The following ARV1 variants were observed in gnomAD, a reference collection of about 807,000 sequenced individuals.
The protein encoded by ARV1 is ARV1 fatty acid homeostasis modulator, also known as protein ARV1.
Under a neutral mutation model 31.1 loss-of-function variants are expected in ARV1, and 26 were observed. The observed-to-expected ratio is 0.84, with a 90% CI of 0.61 to 1.16. ARV1 has a LOEUF of 1.16. Ranked by LOEUF, ARV1 falls within the 50% of genes most tolerant of loss-of-function variation. ARV1 has a pLI of 0.00. For synonymous variants in ARV1, 117 were observed against 123.2 expected (o/e 0.95, Z 0.34); for missense variants, 281 against 324.9 (o/e 0.86, Z 1.04).
chr1:230,986,952 C>G (rs879542318), intron 1 of ARV1, among the ~76,000 whole-genome samples: 3 of 152,128 alleles, frequency 2.0e-5, no homozygotes, highest in Non-Finnish European at 4.4e-5. Flanking sequence ...GTAGAAGATT[C>G]ATTCTTACTG....
At chr1:230,996,929 T>C (rs1395436276) in intron 4 of ARV1, among the ~76,000 whole-genome samples, 192 bp from the exon 5 acceptor site, 1 of 152,192 alleles carries the variant, frequency 6.6e-6, no homozygotes, top group Non-Finnish European at 1.5e-5. Flanking sequence ...CAGTGTTTTG[T>C]TGTAAGTAGA....
In ARV1 at chr1:230,991,028, A is replaced by G. The variant is rs534487309; in HGVS notation, c.448+765A>G. ...TTAATAGGGTTTGGTATTTTTTGTTACTTGTTACTTATCTGAGTGCATGCA... is the reference window on the plus strand; with the variant it reads ...TTAATAGGGTTTGGTATTTTTTGTTGCTTGTTACTTATCTGAGTGCATGCA... On this transcript the variant is annotated intron_variant, in intron 3 of 5. Coordinates refer to ENST00000310256, the MANE Select transcript of ARV1 (RefSeq NM_022786.3). Among the ~76,000 whole-genome samples the G allele has an allele frequency of 6.6e-5, 10 of 152,196 alleles. No homozygotes were observed. In the South Asian group the frequency reaches 1.2e-3, roughly 19 times the overall value.
chr1:230,984,359 T>TGTGTGTGTGTGTGTGCGCGC (rs71179756), intron 1 of ARV1, among the ~76,000 whole-genome samples: 1 of 93,450 alleles, frequency 1.1e-5, no homozygotes, highest in South Asian at 3.4e-4. Flanking sequence ...TGTGTGTGTG[T>TGTGTGTGTGTGTGTGCGCGC]GTGCGTGTGT....
At chr1:230,984,363 CGTGTGTGTGTGTGT>C (rs34285543) in intron 1 of ARV1, among the ~76,000 whole-genome samples, 3 of 129,840 alleles carry the variant, frequency 2.3e-5, no homozygotes, top group African/African-American at 8.5e-5. Flanking sequence ...TGTGTGTGTG[CGTGTGTGTGTGTGT>C]GTGTGTGTGT....
At position 230,995,756 on chromosome 1, in the gene ARV1, T is replaced by G. The variant is rs781748100; in HGVS notation, c.449-4T>G. 6.2e-7 allele frequency: 1 copy of G among 1,607,782 alleles called. No homozygotes were observed. ...CATACTTTTATTTTCCATTTCTTCT[T>G]TAGAACAAACTGCCTATTTTATTGG... On this transcript the variant is annotated splice_polypyrimidine_tract_variant and splice_region_variant and intron_variant, in intron 3 of 5. Coordinates refer to ENST00000310256, the MANE Select transcript of ARV1 (RefSeq NM_022786.3).
At chr1:230,994,824 A>C (rs1477268813) in intron 3 of ARV1, among the ~76,000 whole-genome samples, 1 of 152,172 alleles carries the variant, frequency 6.6e-6, no homozygotes, top group Non-Finnish European at 1.5e-5. Flanking sequence ...GATTACAGGC[A>C]TGAGCCACCA....
intron 1 of ARV1, among the ~76,000 whole-genome samples, chr1:230,983,412 CAAAAAA>C (rs386369944): frequency 1.1e-4 from 12 of 106,422 alleles, no homozygotes; most frequent in Non-Finnish European, 2.2e-4. Flanking sequence ...GACTCCGTCT[CAAAAAA>C]AAAAAAAAAA....
At chr1:230,980,633 G>GA (rs1349878441) in intron 1 of ARV1, among the ~76,000 whole-genome samples, 1 of 152,002 alleles carries the variant, frequency 6.6e-6, no homozygotes, top group African/African-American at 2.4e-5. Context: ...TGCGAAAACA[G>GA]AAGAGAACTT....
At chr1:230,980,567 C>G (rs1162285626) in intron 1 of ARV1, among the ~76,000 whole-genome samples, 3 of 152,118 alleles carry the variant, frequency 2.0e-5, no homozygotes, top group Non-Finnish European at 4.4e-5. Context: ...GAACTGACCT[C>G]AAATGATCCA....
intron 1 of ARV1, 162 bp downstream of exon 1, chr1:230,979,441 C>A (rs745759731): frequency 5.0e-6 from 4 of 807,022 alleles, no homozygotes; most frequent in Non-Finnish European, 7.5e-6. Context: ...CTCAGCTACC[C>A]GACAGCGCTT....
In ARV1 at chr1:230,995,865, T is replaced by G. The variant is rs779804808; in HGVS notation, c.554T>G (p.Leu185Ter). The change falls in exon 4 of 6, where the codon TTA becomes TGA. Residue 185 changes from leucine to a stop codon, truncating the protein, a stop_gained. Coordinates refer to ENST00000310256, the MANE Select transcript of ARV1 (RefSeq NM_022786.3). LOFTEE classifies it high-confidence loss of function. ...ATTTTGCTGCTGAAAGCATTATTATTATCTAGCTACGGAAAACTCTTGCTG... is the reference window on the plus strand; with the variant it reads ...ATTTTGCTGCTGAAAGCATTATTATGATCTAGCTACGGAAAACTCTTGCTG... The part of the protein sequence containing the change: ...NFILLLKALL[L>*]SSYGKLLLIP... 1 of 1,614,160 alleles carries G rather than the reference T, an allele frequency of 6.2e-7. No individual in the cohort carries two copies. Among genetic ancestry groups the G allele is most frequent in the Non-Finnish European group, 8.5e-7 (1 of 1,180,018 alleles).
chr1:230,998,604 C>T (rs980248305), intron 5 of ARV1, among the ~76,000 whole-genome samples: 4 of 152,118 alleles, frequency 2.6e-5, no homozygotes, highest in African/African-American at 9.7e-5. Context: ...TGAACCTATG[C>T]TCCTAAAATT....
chr1:230,991,006 A>G (rs552033187), intron 3 of ARV1, among the ~76,000 whole-genome samples: 1 of 152,294 alleles, frequency 6.6e-6, no homozygotes, highest in African/African-American at 2.4e-5. Flanking sequence ...AGTGTATTTA[A>G]TAGGGTTTGG....
At chr1:230,996,820 TTTG>T (rs1385463896) in intron 4 of ARV1, among the ~76,000 whole-genome samples, 3 of 152,214 alleles carry the variant, frequency 2.0e-5, no homozygotes, top group Non-Finnish European at 2.9e-5. Flanking sequence ...AAAGTATCAT[TTTG>T]TTGTTGTTGT....
At chr1:230,979,335 G>T in intron 1 of ARV1, 56 bp downstream of exon 1, 1 of 1,591,456 alleles carries the variant, frequency 6.3e-7, no homozygotes, top group Non-Finnish European at 8.6e-7. Flanking sequence ...CGGGATTTGG[G>T]GACCGCGAGG....
rs778780392 is a variant in ARV1 at position 230,979,299 on chromosome 1, G to T, written c.174+20G>T. The T allele has an allele frequency of 9.9e-6, 16 of 1,612,070 alleles. 1 individual carries two copies. In the South Asian group the frequency reaches 1.2e-4, roughly 12 times the overall value. ...ATCTGTGTGAGTTGTCAGGTGTGGG[G>T]TGCCCTTGAGAAGAAAATGGCGCGG... On this transcript the variant is annotated intron_variant, in intron 1 of 5. Transcript: ENST00000310256.
intron 1 of ARV1, among the ~76,000 whole-genome samples, chr1:230,981,602 A>G (rs913288072): frequency 6.6e-6 from 1 of 152,146 alleles, no homozygotes; most frequent in African/African-American, 2.4e-5. Context: ...TGTAACTCCT[A>G]TCTGGTCTCC....
chr1:230,991,874 C>T (rs1429657193), intron 3 of ARV1, among the ~76,000 whole-genome samples: 3 of 152,054 alleles, frequency 2.0e-5, no homozygotes, highest in Admixed American at 6.5e-5. Context: ...GTGATCCGTC[C>T]GCCTCTGCCT....
chr1:230,979,805 G>A (rs1244210046), intron 1 of ARV1, among the ~76,000 whole-genome samples: 1 of 152,124 alleles, frequency 6.6e-6, no homozygotes, highest in African/African-American at 2.4e-5. Flanking sequence ...AGAATACCTT[G>A]AACTTTCTGA....
Sources: gnomAD v4.1 joint callset for allele counts (sites outside exome capture counted in the v4.1 genomes callset) on GRCh38, gnomAD v4.1.1 for gene constraint, MANE v1.5 for transcripts, NCBI Gene and HGNC (gene_info 2026-07-23, HGNC 2026-07-21) for gene names.